Variants in TAFA2 observed in about 807,000 individuals in gnomAD.
TAFA2 encodes the protein chemokine-like protein TAFA-2.
In TAFA2, 7 loss-of-function variants were observed where a neutral mutation model predicts 18.8. The observed-to-expected ratio is 0.37, with a 90% confidence interval of 0.21 to 0.70. The LOEUF (loss-of-function observed/expected upper bound fraction) is 0.70, where lower values mean the gene tolerates loss of function less well. TAFA2 is among the 30% of genes least tolerant of loss of function. The pLI is 0.53. For synonymous variants in TAFA2, 60 were observed against 54.2 expected (o/e 1.11, Z -0.47); for missense variants, 122 against 158.1 (o/e 0.77, Z 1.23).
chr12:61,740,889 G>C (rs149677572), intron 4 of TAFA2, among the ~76,000 whole-genome samples: 1 of 150,950 alleles, frequency 6.6e-6, no homozygotes, highest in Non-Finnish European at 1.5e-5. Flanking sequence ...TGAACCATGA[G>C]AGCAAAGCAT....
At chr12:62,221,869 A>C (rs2062764471) in intron 1 of TAFA2, among the ~76,000 whole-genome samples, 1 of 152,224 alleles carries the variant, frequency 6.6e-6, no homozygotes, top group South Asian at 2.1e-4. Context: ...ACCAAATAAC[A>C]ACATAAAAGG....
intron 4 of TAFA2, among the ~76,000 whole-genome samples, chr12:61,745,445 G>T (rs909848879): frequency 2.0e-5 from 3 of 151,774 alleles, no homozygotes; most frequent in African/African-American, 7.3e-5. Context: ...TCTTCCCTCT[G>T]CCTGGATAGC....
At chr12:62,179,652 C>T (rs1302133391) in intron 1 of TAFA2, among the ~76,000 whole-genome samples, 3 of 152,116 alleles carry the variant, frequency 2.0e-5, no homozygotes, top group African/African-American at 7.2e-5. Context: ...CAGTGCATTG[C>T]CATTTTACCT....
chr12:61,864,055 A>G (rs1411927671), intron 2 of TAFA2, among the ~76,000 whole-genome samples: 2 of 152,144 alleles, frequency 1.3e-5, no homozygotes, highest in African/African-American at 4.8e-5. Context: ...CATTCTCCTG[A>G]GAGCACTCTT....
chr12:61,907,293 C>A (rs796853980), intron 1 of TAFA2, among the ~76,000 whole-genome samples: 2 of 152,132 alleles, frequency 1.3e-5, no homozygotes, highest in African/African-American at 4.8e-5. Context: ...GTGCCCTACT[C>A]TTCTATGCAG....
intron 1 of TAFA2, among the ~76,000 whole-genome samples, chr12:61,981,029 G>C (rs1043318698): frequency 6.6e-6 from 1 of 152,150 alleles, no homozygotes; most frequent in African/African-American, 2.4e-5. Flanking sequence ...AACAAAGCTG[G>C]AGGCATCATG....
At chr12:61,895,713 A>T (rs1341407120) in intron 1 of TAFA2, among the ~76,000 whole-genome samples, 1 of 152,186 alleles carries the variant, frequency 6.6e-6, no homozygotes, top group Non-Finnish European at 1.5e-5. Context: ...GAGGCTGGAA[A>T]TATGTCATTC....
intron 1 of TAFA2, among the ~76,000 whole-genome samples, chr12:62,248,449 C>T (rs2062897341): frequency 6.6e-6 from 1 of 152,196 alleles, no homozygotes; most frequent in South Asian, 2.1e-4. Context: ...GCACAATGGC[C>T]TGGGCAGCAT....
intron 1 of TAFA2, among the ~76,000 whole-genome samples, chr12:61,875,640 T>C (rs191003169): frequency 4.6e-5 from 7 of 152,158 alleles, no homozygotes; most frequent in Non-Finnish European, 7.4e-5. Context: ...CACCAAATCA[T>C]GATGATGTTT....
chr12:61,802,691 T>C (rs117700550), intron 2 of TAFA2, among the ~76,000 whole-genome samples: 2,682 of 152,096 alleles, frequency 0.018, 27 homozygotes, highest in Non-Finnish European at 0.028. Flanking sequence ...AGGGTGACTT[T>C]AGTTAACAAT....
intron 4 of TAFA2, among the ~76,000 whole-genome samples, chr12:61,746,087 G>A (rs891584188): frequency 2.6e-5 from 4 of 152,070 alleles, no homozygotes; most frequent in Admixed American, 1.3e-4. Context: ...ACCTTGAATT[G>A]TAATCCCTAT....
chr12:61,922,293 A>C (rs1877085793), intron 1 of TAFA2, among the ~76,000 whole-genome samples: 2 of 152,216 alleles, frequency 1.3e-5, no homozygotes, highest in South Asian at 4.1e-4. Context: ...GAAAGGAAAT[A>C]GGATCCAATG....
At chr12:62,209,924 G>C (rs576820861) in intron 1 of TAFA2, among the ~76,000 whole-genome samples, 18 of 152,216 alleles carry the variant, frequency 1.2e-4, no homozygotes, top group African/African-American at 4.3e-4. Flanking sequence ...CATCTGGCCA[G>C]GCGCAGGGGC....
At chr12:62,181,614 T>A (rs1049423750) in intron 1 of TAFA2, among the ~76,000 whole-genome samples, 4 of 152,196 alleles carry the variant, frequency 2.6e-5, no homozygotes, top group Admixed American at 1.3e-4. Context: ...TCTCAGTTTA[T>A]AATTAATACA....
chr12:62,196,722 C>A (rs1190039695), upstream of TAFA2, among the ~76,000 whole-genome samples: 3 of 151,926 alleles, frequency 2.0e-5, no homozygotes, highest in East Asian at 3.9e-4. Flanking sequence ...ATAACAGATA[C>A]AAGAATAATA....
rs1380538431 is a variant in TAFA2 at position 62,049,716 on chromosome 12, C to A, written c.-2+141543G>T. 2.6e-5 allele frequency among the ~76,000 whole-genome samples: 4 copies of A among 152,064 alleles called. No individual in the cohort carries two copies. The East Asian group carries it at 5.8e-4, about 22-fold the overall frequency. On this transcript the variant is annotated intron_variant, in intron 1 of 4. Transcript: ENST00000416284. ...AGGAAAAACAGAAGGCTACAAAAAC[C>A]GAGTTTTCAGTATGAAGTCACCTTA...
At chr12:61,920,837 C>T (rs1366253853) in intron 1 of TAFA2, among the ~76,000 whole-genome samples, 2 of 151,084 alleles carry the variant, frequency 1.3e-5, no homozygotes, top group Non-Finnish European at 2.9e-5. Flanking sequence ...TATGGTAATG[C>T]TAAGATGCTC....
At chr12:61,714,812 G>A (rs184382275) in intron 4 of TAFA2, among the ~76,000 whole-genome samples, 196 of 152,164 alleles carry the variant, frequency 1.3e-3, no homozygotes, top group Middle Eastern at 3.4e-3. Context: ...TTATATTGAA[G>A]CCTAAAATTC....
At chr12:61,913,849 G>A (rs1197317361) in intron 1 of TAFA2, among the ~76,000 whole-genome samples, 1 of 152,148 alleles carries the variant, frequency 6.6e-6, no homozygotes, top group African/African-American at 2.4e-5. Flanking sequence ...GACACTGGGT[G>A]TGATATATTC....
Sources: gnomAD v4.1 joint callset for allele counts (sites outside exome capture counted in the v4.1 genomes callset) on GRCh38, gnomAD v4.1.1 for gene constraint, MANE v1.5 for transcripts, NCBI Gene and HGNC (gene_info 2026-07-23, HGNC 2026-07-21) for gene names.